PTPN12: variants seen among roughly 807,000 people sequenced by gnomAD.
The protein encoded by PTPN12 is tyrosine-protein phosphatase non-receptor type 12.
Under a neutral mutation model 97.6 loss-of-function variants are expected in PTPN12, and 29 were observed. The observed-to-expected ratio is 0.30, with a 90% CI of 0.22 to 0.41. The LOEUF (loss-of-function observed/expected upper bound fraction) is 0.41. PTPN12 is among the 10% of genes least tolerant of loss of function. The pLI, the probability that PTPN12 is intolerant of heterozygous loss-of-function variation, is 1.00. For missense variants in PTPN12, 819 were observed against 926.0 expected (o/e 0.88, Z 1.50); for synonymous variants, 327 against 300.4 (o/e 1.09, Z -0.91).
chr7:77,632,948 T>C (rs1789454473), intron 14 of PTPN12, among the ~76,000 whole-genome samples: 1 of 151,092 alleles, frequency 6.6e-6, no homozygotes. Flanking sequence ...AGAGCAAGAT[T>C]TCGTCTCAAA....
At chr7:77,621,460 G>C (rs1788934532) in intron 12 of PTPN12, among the ~76,000 whole-genome samples, 1 of 152,130 alleles carries the variant, frequency 6.6e-6, no homozygotes, top group African/African-American at 2.4e-5. Flanking sequence ...CCTGAGGTTG[G>C]GAGTTCGAGA....
intron 9 of PTPN12, among the ~76,000 whole-genome samples, chr7:77,608,483 C>G (rs1178969513): frequency 2.0e-5 from 3 of 152,126 alleles, no homozygotes; most frequent in Non-Finnish European, 4.4e-5. Flanking sequence ...AAAAACAAGT[C>G]TCTTCATTAT....
chr7:77,541,882 A>T (rs1430603983), intron 1 of PTPN12, among the ~76,000 whole-genome samples: 1 of 152,168 alleles, frequency 6.6e-6, no homozygotes. Context: ...TTTGCTAATA[A>T]ATTAGCAAAT....
In PTPN12 at chr7:77,605,409, G is replaced by GGTTTTTTTTTTTTTTTTTTTTTT. The variant is rs1554321255; in HGVS notation, c.696-1826_696-1825insGTTTTTTTTTTTTTTTTTTTTTT. On this transcript the variant is annotated intron_variant, in intron 8 of 17. Coordinates refer to ENST00000248594, the MANE Select transcript of PTPN12 (RefSeq NM_002835.4). The stretch of plus-strand genomic sequence containing the variant: ...TTACTTTAAAATACTTTTGTCATGA[G>GGTTTTTTTTTTTTTTTTTTTTTT]TTTTTTTTTTTTTTTTTTTTTTTTT... Among the ~76,000 whole-genome samples, 15 of 95,544 alleles carry GGTTTTTTTTTTTTTTTTTTTTTT rather than the reference G, an allele frequency of 1.6e-4. 6 individuals are homozygous for GGTTTTTTTTTTTTTTTTTTTTTT. Among genetic ancestry groups the GGTTTTTTTTTTTTTTTTTTTTTT allele is most frequent in the African/African-American group, 4.1e-4 (10 of 24,240 alleles). 62.7% of individuals were successfully genotyped at this position (95,544 alleles called of 152,430 possible).
intron 5 of PTPN12, 77 bp downstream of exon 5, chr7:77,585,658 C>T (rs780243446): frequency 5.3e-6 from 7 of 1,314,938 alleles, no homozygotes; most frequent in Non-Finnish European, 7.6e-6. Context: ...ATAGTCTTAA[C>T]ATAAGCGGTT....
At chr7:77,605,459 G>T (rs955196769) in intron 8 of PTPN12, among the ~76,000 whole-genome samples, 6 of 115,596 alleles carry the variant, frequency 5.2e-5, no homozygotes, top group Non-Finnish European at 9.6e-5. Flanking sequence ...TCGCTCTGTC[G>T]CCCAAGCTGG....
chr7:77,548,035 A>G (rs1331000963), intron 1 of PTPN12, among the ~76,000 whole-genome samples: 1 of 152,226 alleles, frequency 6.6e-6, no homozygotes, highest in Non-Finnish European at 1.5e-5. Context: ...TTGATCTTAC[A>G]GTAGGACCTT....
chr7:77,610,541 C>T (rs1283091804), intron 9 of PTPN12, among the ~76,000 whole-genome samples: 5 of 152,124 alleles, frequency 3.3e-5, no homozygotes, highest in African/African-American at 7.2e-5. Flanking sequence ...ATACTGCAGT[C>T]ATACTTTGGC....
At chr7:77,601,873 A>G (rs1334974663) in intron 8 of PTPN12, among the ~76,000 whole-genome samples, 1 of 152,224 alleles carries the variant, frequency 6.6e-6, no homozygotes, top group Non-Finnish European at 1.5e-5. Flanking sequence ...AATAAAAACT[A>G]TTGATACACA....
intron 1 of PTPN12, among the ~76,000 whole-genome samples, chr7:77,564,763 T>TG (rs1808181592): frequency 9.2e-6 from 1 of 108,332 alleles, no homozygotes; most frequent in African/African-American, 3.4e-5. Flanking sequence ...TTTTTTTTTT[T>TG]TTTTTTTTTT....
intron 1 of PTPN12, among the ~76,000 whole-genome samples, chr7:77,567,180 T>G (rs1808299767): frequency 6.7e-6 from 1 of 148,158 alleles, no homozygotes; most frequent in Admixed American, 6.8e-5. Flanking sequence ...TATTTAGACA[T>G]TAATGTTGAT....
At chr7:77,558,222 A>C (rs545622388) in intron 1 of PTPN12, among the ~76,000 whole-genome samples, 1 of 151,586 alleles carries the variant, frequency 6.6e-6, no homozygotes, top group African/African-American at 2.4e-5. Context: ...AAAAAAAAAA[A>C]AAAAAGAAAA....
At chr7:77,539,721 C>T (rs931368247) in intron 1 of PTPN12, among the ~76,000 whole-genome samples, 3 of 152,150 alleles carry the variant, frequency 2.0e-5, no homozygotes, top group Non-Finnish European at 4.4e-5. Context: ...CTCTGCCTCC[C>T]AGATTCAAGC....
Position 77,604,209 on chromosome 7 carries a change from CTTTTTTTT to C in PTPN12, c.696-3009_696-3002del, listed in dbSNP as rs71082768. 6.1e-4 allele frequency among the ~76,000 whole-genome samples: 32 copies of C among 52,804 alleles called. 1 individual carries two copies. The highest frequency in any genetic ancestry group is 4.3e-4 in the Non-Finnish European group (14 of 32,184). 34.6% of individuals were successfully genotyped at this position (52,804 alleles called of 152,430 possible). Reference sequence around the variant, plus strand: ...AGCCTTTGTTTGCATTTTTTTCTTCCTTTTTTTTTTTTTTTTTTTTTTTTGAGACGGAG... The same window carrying C: ...AGCCTTTGTTTGCATTTTTTTCTTCCTTTTTTTTTTTTTTTTGAGACGGAG... On this transcript the variant is annotated intron_variant, in intron 8 of 17. Coordinates refer to ENST00000248594, the MANE Select transcript of PTPN12 (RefSeq NM_002835.4).
In PTPN12 at chr7:77,542,030, C is replaced by T. The variant is rs12538166; in HGVS notation, c.99+4385C>T. Among the ~76,000 whole-genome samples the T allele has an allele frequency of 6.1e-3, 936 of 152,234 alleles. 5 individuals carry two copies. The highest frequency in any genetic ancestry group is 0.037 in the Middle Eastern group (11 of 294). On this transcript the variant is annotated intron_variant, in intron 1 of 17. Coordinates refer to ENST00000248594, the MANE Select transcript of PTPN12 (RefSeq NM_002835.4). ...CTAGGTTTTAACTCCACACAGACTC[C>T]CTCTGATGGCTGGGGGTTGGGGAGG... is the stretch of plus-strand genomic sequence containing the variant.
chr7:77,623,073 G>A (rs574457114), intron 12 of PTPN12, among the ~76,000 whole-genome samples: 41 of 150,942 alleles, frequency 2.7e-4, no homozygotes, highest in Non-Finnish European at 4.7e-4. Context: ...TATATAGAGC[G>A]TATACACCAA....
chr7:77,592,054 C>T (rs1301686327), intron 5 of PTPN12, 131 bp from the exon 6 acceptor site: 1 of 727,902 alleles, frequency 1.4e-6, no homozygotes, highest in Non-Finnish European at 2.3e-6. Flanking sequence ...CTCTCAGCTC[C>T]ATGCCTGCTA....
intron 12 of PTPN12, among the ~76,000 whole-genome samples, chr7:77,624,658 C>T (rs1352988186): frequency 6.7e-6 from 1 of 149,382 alleles, no homozygotes; most frequent in Non-Finnish European, 1.5e-5. Flanking sequence ...TTAGGCTGGT[C>T]TCAAACTCCT....
At chr7:77,580,668 C>A (rs1375152090) in intron 2 of PTPN12, among the ~76,000 whole-genome samples, 1 of 151,856 alleles carries the variant, frequency 6.6e-6, no homozygotes, top group Non-Finnish European at 1.5e-5. Context: ...GAAAAATATA[C>A]TTCATAAAAT....
Sources: gnomAD v4.1 joint callset for allele counts (sites outside exome capture counted in the v4.1 genomes callset) on GRCh38, gnomAD v4.1.1 for gene constraint, MANE v1.5 for transcripts, NCBI Gene and HGNC (gene_info 2026-07-23, HGNC 2026-07-21) for gene names.